TBC1D9: variants seen among roughly 807,000 people sequenced by gnomAD.
The protein encoded by TBC1D9 is TBC1 domain family member 9, also known as TBC1 domain family member 9A.
A neutral mutation model predicts 132.0 loss-of-function variants in TBC1D9; 63 were observed. That is an observed-to-expected ratio of 0.48 (90% CI 0.39 to 0.59). The LOEUF is 0.59. Ranked by LOEUF, TBC1D9 falls within the 20% of genes least tolerant of loss-of-function variation. The pLI is 0.00. For missense variants in TBC1D9, 1,261 were observed against 1,592.7 expected (o/e 0.79, Z 3.54); for synonymous variants, 610 against 609.9 (o/e 1.00, Z 0.00).
rs902000778 is a variant in TBC1D9 at position 140,648,103 on chromosome 4, G to A, written c.2338-8675C>T. 2.0e-5 allele frequency among the ~76,000 whole-genome samples: 3 copies of A among 152,164 alleles called. No individual in the cohort carries two copies. In the East Asian group the frequency reaches 5.8e-4, roughly 29 times the overall value. On this transcript the variant is annotated intron_variant, in intron 13 of 20. Coordinates refer to ENST00000442267, the MANE Select transcript of TBC1D9 (RefSeq NM_015130.3). Reference sequence around the variant, plus strand: ...ACCACATATTCCAGTTCCTTGAGAAGTGCTAGTTCACTAATATCACAATAA... The same window carrying A: ...ACCACATATTCCAGTTCCTTGAGAAATGCTAGTTCACTAATATCACAATAA...
rs190334331 is a variant in TBC1D9, at chr4:140,709,874, T to A, written c.131-8260A>T. Among the ~76,000 whole-genome samples the A allele has an allele frequency of 2.6e-5, 4 of 152,300 alleles. No homozygotes were observed. In the East Asian group the frequency reaches 7.7e-4, roughly 29 times the overall value. On this transcript the variant is annotated intron_variant, in intron 1 of 20. Transcript: ENST00000442267. ...GCCTGTAAGAACCTAATGCTGCAGTTGATTTGAAACGAGGTGGAGCTCAAA... is the reference window on the plus strand; with the variant it reads ...GCCTGTAAGAACCTAATGCTGCAGTAGATTTGAAACGAGGTGGAGCTCAAA...
intron 3 of TBC1D9, among the ~76,000 whole-genome samples, chr4:140,681,457 C>T (rs1260460831): frequency 6.6e-6 from 1 of 152,164 alleles, no homozygotes; most frequent in African/African-American, 2.4e-5. Context: ...GAAAGGGCTT[C>T]AGTCTTCTAT....
chr4:140,643,531 C>T (rs1381228702), intron 13 of TBC1D9: 8 of 872,410 alleles, frequency 9.2e-6, no homozygotes, highest in Non-Finnish European at 5.5e-6. Flanking sequence ...CCCTCCCCGG[C>T]GGGCACGTCA....
intron 3 of TBC1D9, among the ~76,000 whole-genome samples, chr4:140,682,054 C>T (rs1257199410): frequency 6.6e-6 from 1 of 152,008 alleles, no homozygotes; most frequent in Non-Finnish European, 1.5e-5. Context: ...CTAAATGAAT[C>T]CATGTTGTTG....
In TBC1D9 at chr4:140,657,693, G is replaced by C. The variant is rs1737294127; in HGVS notation, c.2041C>G (p.Leu681Val). 2.5e-6 allele frequency: 4 copies of C among 1,613,990 alleles called. No individual in the cohort carries two copies. The highest frequency in any genetic ancestry group is 3.4e-6 in the Non-Finnish European group (4 of 1,179,896). Reference protein sequence around the residue: ...STISLSWFLTLFLSVMPFESA... With the variant: ...STISLSWFLTVFLSVMPFESA... ...TCAAAAGGCATCACACTGAGAAATA[G>C]TGTGAGGAACCAAGACAGGGAGATG... The change falls in exon 12 of 21, where the codon CTA becomes GTA. Residue 681 changes from leucine (L) to valine (V), a missense_variant. Physicochemically the swap from Leu to Val is conservative, Grantham distance 32. Transcript: ENST00000442267.
In TBC1D9 at chr4:140,679,203, G is replaced by T. The variant is rs904256882; in HGVS notation, c.590C>A (p.Ala197Glu). 2 of 1,612,008 alleles carry T rather than the reference G, an allele frequency of 1.2e-6. No individual in the cohort carries two copies. The highest frequency in any genetic ancestry group is 1.7e-6 in the Non-Finnish European group (2 of 1,178,600). Residue 197 changes from alanine (A) to glutamate (E), a missense_variant and splice_region_variant, in exon 5 of 21, where the codon GCG becomes GAG. Transcript: ENST00000442267. ...GTCTACCCACCGGATGACCAGTTTC[G>T]CTGAGCACAAGGAACAAGCCTGGGT... is the stretch of plus-strand genomic sequence containing the variant. Reference protein sequence around the residue: ...CFYSFLMGREAKLVIRWVDIT... With the variant: ...CFYSFLMGREEKLVIRWVDIT...
intron 2 of TBC1D9, among the ~76,000 whole-genome samples, chr4:140,688,456 A>G (rs780381146): frequency 1.3e-5 from 2 of 152,224 alleles, no homozygotes; most frequent in Non-Finnish European, 2.9e-5. Context: ...ACTTGAGGCC[A>G]GGAGTTTGAG....
chr4:140,659,389 A>G, intron 11 of TBC1D9, 199 bp downstream of exon 11: 1 of 447,234 alleles, frequency 2.2e-6, no homozygotes, highest in Non-Finnish European at 4.0e-6. Context: ...GCGTATGTGT[A>G]TAGTCCCTTA....
intron 11 of TBC1D9, 75 bp downstream of exon 11, chr4:140,659,513 G>T: frequency 1.9e-6 from 2 of 1,037,218 alleles, no homozygotes; most frequent in Non-Finnish European, 2.8e-6. Context: ...CAGAAATAGT[G>T]TTCTGGCTGG....
chr4:140,670,580 T>C lies in TBC1D9; in HGVS notation c.1266+140A>G, dbSNP rs1737519316. The C allele has an allele frequency of 3.2e-5, 21 of 657,600 alleles. No homozygotes were observed. The South Asian group carries it at 3.9e-4, about 12-fold the overall frequency. 40.7% of individuals were successfully genotyped at this position (657,600 alleles called of 1,614,324 possible). ...GACCCCAAATACAAAGTCCTTGAGA[T>C]TTAAATGAGATATTGCTGAGATATT... is the stretch of plus-strand genomic sequence containing the variant. On this transcript the variant is annotated intron_variant, in intron 7 of 20. Transcript: ENST00000442267.
intron 2 of TBC1D9, among the ~76,000 whole-genome samples, chr4:140,690,949 A>T (rs186565717): frequency 6.6e-6 from 1 of 152,348 alleles, no homozygotes; most frequent in Non-Finnish European, 1.5e-5. Flanking sequence ...ATGGATTCCT[A>T]TCTAGACCCA....
At chr4:140,633,418 G>A (rs573680872) in intron 16 of TBC1D9, among the ~76,000 whole-genome samples, 229 of 152,306 alleles carry the variant, frequency 1.5e-3, no homozygotes, top group African/African-American at 5.3e-3. Context: ...CTGTGGTGAG[G>A]TGTGGGGTGA....
chr4:140,666,147 A>G (rs895631464), intron 9 of TBC1D9, among the ~76,000 whole-genome samples: 6 of 152,228 alleles, frequency 3.9e-5, no homozygotes, highest in African/African-American at 1.4e-4. Context: ...ATGCTGATAC[A>G]TGCTATGATA....
intron 16 of TBC1D9, among the ~76,000 whole-genome samples, chr4:140,632,258 A>G (rs1478214290): frequency 1.4e-5 from 1 of 69,236 alleles, no homozygotes; most frequent in Non-Finnish European, 2.6e-5. Context: ...ATTTTTGCCC[A>G]AAGGTTTTTT....
Position 140,639,413 on chromosome 4 carries a change from G to C in TBC1D9, c.2353C>G (p.Arg785Gly). 6.2e-7 allele frequency: 1 copy of C among 1,610,512 alleles called. No individual in the cohort carries two copies. The highest frequency in any genetic ancestry group is 8.5e-7 in the Non-Finnish European group (1 of 1,178,306). Reference protein sequence around the residue: ...RTSYEKFGTIRADLIEQMRFK... With the variant: ...RTSYEKFGTIGADLIEQMRFK... Reference sequence around the variant, plus strand: ...CTCATCTGTTCAATCAAATCTGCCCGGATAGTTCCGAATTTCTGTAAAGGA... The same window carrying C: ...CTCATCTGTTCAATCAAATCTGCCCCGATAGTTCCGAATTTCTGTAAAGGA... The change falls in exon 14 of 21, where the codon CGG (arginine) becomes GGG (glycine). Residue 785 changes from arginine (R) to glycine (G), a missense_variant. By Grantham distance (125) the Arg-to-Gly change is moderately radical (BLOSUM62 -2). This residue lies in a region of TBC1D9 where 618 missense variants were observed against 724.4 expected (regional missense o/e 0.85). Transcript: ENST00000442267.
At chr4:140,726,374 T>G (rs991972865) in intron 1 of TBC1D9, among the ~76,000 whole-genome samples, 14 of 152,202 alleles carry the variant, frequency 9.2e-5, no homozygotes, top group Admixed American at 8.5e-4. Context: ...AATAAATTAT[T>G]AACCTCAAGA....
chr4:140,631,750 C>T (rs867558350), intron 16 of TBC1D9, among the ~76,000 whole-genome samples: 4 of 152,004 alleles, frequency 2.6e-5, no homozygotes, highest in Non-Finnish European at 5.9e-5. Context: ...GGACCTGCCA[C>T]CACGCCTGGC....
intron 1 of TBC1D9, among the ~76,000 whole-genome samples, chr4:140,743,237 T>C (rs1422771876): frequency 6.6e-6 from 1 of 152,184 alleles, no homozygotes; most frequent in Admixed American, 6.5e-5. Flanking sequence ...AACTCTTCCA[T>C]TACTCACACA....
chr4:140,677,247 G>A, intron 5 of TBC1D9, 146 bp from the exon 6 acceptor site: 1 of 863,564 alleles, frequency 1.2e-6, no homozygotes, highest in Non-Finnish European at 1.8e-6. Context: ...TTATATTGAA[G>A]TTAACCCCAA....
Sources: gnomAD v4.1 joint callset for allele counts (sites outside exome capture counted in the v4.1 genomes callset) on GRCh38, gnomAD v4.1.1 for gene constraint, gnomAD v4.1.1 regional missense constraint, MANE v1.5 for transcripts, NCBI Gene and HGNC (gene_info 2026-07-23, HGNC 2026-07-21) for gene names.